FDPS: variants seen among roughly 807,000 people sequenced by gnomAD.
FDPS encodes farnesyl pyrophosphate synthase.
Under a neutral mutation model 49.5 loss-of-function variants are expected in FDPS, and 29 were observed. That is an observed-to-expected ratio of 0.59 (90% CI 0.44 to 0.80). The LOEUF (loss-of-function observed/expected upper bound fraction) is 0.80. Ranked by LOEUF, FDPS falls within the 30% of genes least tolerant of loss-of-function variation. FDPS has a pLI of 0.00. For missense variants in FDPS, 414 were observed against 525.6 expected, an observed-to-expected ratio of 0.79 and a Z score of 2.08; for synonymous variants, 172 against 206.4, an observed-to-expected ratio of 0.83 and a Z score of 1.43.
chr1:155,320,039 A>AT (rs1452803514), intron 10 of FDPS, 111 bp downstream of exon 10: 6 of 1,281,498 alleles, frequency 4.7e-6, no homozygotes, highest in East Asian at 2.4e-5. Flanking sequence ...GTCAGCAGAC[A>AT]TTTTTTGCCA....
At position 155,319,929 on chromosome 1, in the gene FDPS, G is replaced by A; in HGVS notation, c.1059+1G>A. 4 of 1,613,794 alleles carry A rather than the reference G, an allele frequency of 2.5e-6. No individual in the cohort carries two copies. Among genetic ancestry groups the A allele is most frequent in the Non-Finnish European group, 3.4e-6 (4 of 1,179,680 alleles). ...TCCAGAACAGTACCAGATCCTGAAGGTGCCTGAGAGAGGGTGGTGGGTCCC... is the reference window on the plus strand; with the variant it reads ...TCCAGAACAGTACCAGATCCTGAAGATGCCTGAGAGAGGGTGGTGGGTCCC... On this transcript the variant is annotated splice_donor_variant, in intron 10 of 10. Transcript: ENST00000368356. LOFTEE classifies it high-confidence loss of function.
At chr1:155,316,397 C>T (rs2148242076) in intron 4 of FDPS, among the ~76,000 whole-genome samples, 1 of 152,284 alleles carries the variant, frequency 6.6e-6, no homozygotes, top group African/African-American at 2.4e-5. Flanking sequence ...ACAGGAGGAT[C>T]ACTTGAGCCC....
intron 4 of FDPS, among the ~76,000 whole-genome samples, chr1:155,316,026 G>A (rs890559605): frequency 4.6e-5 from 7 of 152,100 alleles, no homozygotes; most frequent in African/African-American, 1.4e-4. Flanking sequence ...AGGCCAAGGT[G>A]GATGGATCAC....
chr1:155,319,061 GTCTCTTTCC>G, intron 8 of FDPS, 133 bp downstream of exon 8: 1 of 688,648 alleles, frequency 1.5e-6, no homozygotes, highest in Non-Finnish European at 2.6e-6. Context: ...GTCTCGCTCA[GTCTCTTTCC>G]TCAGCTGGGG....
intron 9 of FDPS, 47 bp from the exon 10 acceptor site, chr1:155,319,747 A>G (rs1341596398): frequency 6.2e-7 from 1 of 1,614,054 alleles, no homozygotes; most frequent in Non-Finnish European, 8.5e-7. Flanking sequence ...TCCTCTGCCC[A>G]GGAACCTCAT....
intron 4 of FDPS, among the ~76,000 whole-genome samples, chr1:155,313,822 G>A (rs759833931): frequency 1.3e-5 from 2 of 151,868 alleles, no homozygotes; most frequent in South Asian, 4.1e-4. Flanking sequence ...GGTAGAATCA[G>A]TTCATTTTTT....
chr1:155,318,244 T>G lies in FDPS; in HGVS notation c.637T>G (p.Cys213Gly). 6.2e-7 allele frequency: 1 copy of G among 1,613,874 alleles called. No homozygotes were observed. The highest frequency in any genetic ancestry group is 8.5e-7 in the Non-Finnish European group (1 of 1,180,016). The change falls in exon 6 of 11, where the codon TGC becomes GGC. Residue 213 changes from cysteine (C) to glycine (G), a missense_variant. Cys to Gly is a radical substitution (Grantham distance 159, BLOSUM62 -3). Transcript: ENST00000368356. This position sits in a 1 kb window ranked among gnomAD's most constrained non-coding sequence, Gnocchi z 4.2. Reference sequence around the variant, plus strand: ...TATCTACCGCCTGCTGAAGCTCTATTGCCGGGAGCAGCCCTATTACCTGAA... The same window carrying G: ...TATCTACCGCCTGCTGAAGCTCTATGGCCGGGAGCAGCCCTATTACCTGAA... ...ACIYRLLKLYCREQPYYLNLI... is the reference protein window; with the variant it reads ...ACIYRLLKLYGREQPYYLNLI...
At chr1:155,309,609 TA>T in intron 1 of FDPS, 179 bp from the exon 2 acceptor site, 1 of 534,494 alleles carries the variant, frequency 1.9e-6, no homozygotes, top group Non-Finnish European at 3.2e-6. Flanking sequence ...CACCCAGCCA[TA>T]CTTTTTTGTT....
chr1:155,318,192 C>T lies in FDPS; in HGVS notation c.585C>T (p.Ile195=). 1.2e-6 allele frequency: 2 copies of T among 1,614,070 alleles called. No individual in the cohort carries two copies. Among genetic ancestry groups the T allele is most frequent in the Non-Finnish European group, 1.7e-6 (2 of 1,180,008 alleles). Residue 195 remains isoleucine, a synonymous_variant, in exon 6 of 11, where the codon ATC becomes ATT. Coordinates refer to ENST00000368356, the MANE Select transcript of FDPS (RefSeq NM_002004.4). This position sits in a 1 kb window ranked among gnomAD's most constrained non-coding sequence, Gnocchi z 4.2. Reference sequence around the variant, plus strand: ...AGCCGGGCGTGGGTTTGGATGCCATCAATGATGCTAACCTCCTGGAAGCAT... The same window carrying T: ...AGCCGGGCGTGGGTTTGGATGCCATTAATGATGCTAACCTCCTGGAAGCAT... ...YQKPGVGLDA[I]NDANLLEACI...
intron 4 of FDPS, among the ~76,000 whole-genome samples, chr1:155,315,976 C>T (rs983857693): frequency 3.9e-5 from 6 of 151,940 alleles, no homozygotes; most frequent in South Asian, 2.1e-4. Flanking sequence ...GGTATAGGGC[C>T]GGGTGCATTG....
intron 1 of FDPS, chr1:155,309,401 G>T (rs1484655182): frequency 1.2e-5 from 2 of 162,332 alleles, no homozygotes; most frequent in Non-Finnish European, 2.7e-5. Flanking sequence ...TCTAGATTTG[G>T]CTCTGCCTCT....
chr1:155,312,182 G>T, intron 3 of FDPS, 73 bp from the exon 4 acceptor site: 1 of 1,559,864 alleles, frequency 6.4e-7, no homozygotes, highest in Non-Finnish European at 8.8e-7. Context: ...GGAAATGGGA[G>T]AGAGCAAGGA....
chr1:155,316,171 C>T (rs1267916814), intron 4 of FDPS, among the ~76,000 whole-genome samples: 9 of 151,678 alleles, frequency 5.9e-5, no homozygotes, highest in African/African-American at 1.9e-4. Flanking sequence ...AGGAGAATCG[C>T]GTGAACCCGG....
chr1:155,318,500 G>C lies in FDPS; in HGVS notation c.685-165G>C. 1 of 815,600 alleles carries C rather than the reference G, an allele frequency of 1.2e-6. No individual in the cohort carries two copies. The highest frequency in any genetic ancestry group is 2.0e-6 in the Non-Finnish European group (1 of 497,846). The allele number at this position is 815,600 out of a possible 1,614,324, so 50.5% of individuals were successfully genotyped here. ...GTAATTGGAAGAAAGGGTGATAAAG[G>C]ACTGTGTGTATGAATATGGGCCTTA... On this transcript the variant is annotated intron_variant, in intron 6 of 10. Coordinates refer to ENST00000368356, the MANE Select transcript of FDPS (RefSeq NM_002004.4). This position sits in a 1 kb window ranked among gnomAD's most constrained non-coding sequence, Gnocchi z 4.2.
rs941865357 is a variant in FDPS at position 155,319,815 on chromosome 1, G to T, written c.946G>T (p.Gly316Trp). Residue 316 changes from glycine (G) to tryptophan (W), a missense_variant, in exon 10 of 11, where the codon GGG becomes TGG. Coordinates refer to ENST00000368356, the MANE Select transcript of FDPS (RefSeq NM_002004.4). The stretch of plus-strand genomic sequence containing the variant: ...CCAGGATGATTACCTTGACCTCTTT[G>T]GGGACCCCAGTGTGACCGGCAAAAT... ...QIQDDYLDLF[G>W]DPSVTGKIGT... 1 of 1,614,058 alleles carries T rather than the reference G, an allele frequency of 6.2e-7. No individual in the cohort carries two copies. Among genetic ancestry groups the T allele is most frequent in the Non-Finnish European group, 8.5e-7 (1 of 1,180,000 alleles).
intron 4 of FDPS, chr1:155,312,706 C>T: frequency 4.2e-6 from 1 of 237,022 alleles, no homozygotes; most frequent in Non-Finnish European, 8.4e-6. Flanking sequence ...GGAGGCCGGG[C>T]ATGGTGGCTG....
chr1:155,320,621 C>T lies in FDPS; in HGVS notation c.*12C>T. ...AGCGGAGAAAGTGACCTAGAGATTGCAAGGGCGGGGAGAGGAGGCTCTCAA... is the reference window on the plus strand; with the variant it reads ...AGCGGAGAAAGTGACCTAGAGATTGTAAGGGCGGGGAGAGGAGGCTCTCAA... On this transcript the variant is annotated 3_prime_UTR_variant, in exon 11 of 11. Transcript: ENST00000368356. The T allele has an allele frequency of 2.5e-6, 4 of 1,613,668 alleles. No individual in the cohort carries two copies. The highest frequency in any genetic ancestry group is 3.4e-6 in the Non-Finnish European group (4 of 1,179,584).
rs192217770 is a variant in FDPS, at chr1:155,312,518, C to A, written c.480+123C>A. 1.3e-5 allele frequency: 14 copies of A among 1,080,850 alleles called. No homozygotes were observed. In the Admixed American group the frequency reaches 2.0e-4, roughly 15 times the overall value. 67.0% of individuals were successfully genotyped at this position (1,080,850 alleles called of 1,614,324 possible). On this transcript the variant is annotated intron_variant, in intron 4 of 10. Coordinates refer to ENST00000368356, the MANE Select transcript of FDPS (RefSeq NM_002004.4). ...TTTGTGTTTCTTTGTCTCTAGTGTG[C>A]TACGGCCAAATTTAGAGTGAATCAC... is the stretch of plus-strand genomic sequence containing the variant.
chr1:155,309,654 A>C, intron 1 of FDPS, 135 bp from the exon 2 acceptor site: 74 of 732,494 alleles, frequency 1.0e-4, no homozygotes, highest in Non-Finnish European at 1.3e-4. Context: ...GTCCCCAAGC[A>C]CATTCCACAA....
Sources: gnomAD v4.1 joint callset for allele counts (sites outside exome capture counted in the v4.1 genomes callset) on GRCh38, gnomAD v4.1.1 for gene constraint, Gnocchi (gnomAD v3.1) non-coding constraint, MANE v1.5 for transcripts, NCBI Gene and HGNC (gene_info 2026-07-23, HGNC 2026-07-21) for gene names.